Variants in ST6GALNAC1 observed in about 807,000 individuals in gnomAD.
ST6GALNAC1 encodes alpha-N-acetylgalactosaminide alpha-2,6-sialyltransferase 1.
ST6GALNAC1 carries 45 observed loss-of-function variants against 56.8 expected under a neutral mutation model. The ratio of observed to expected loss-of-function variants is 0.79; its 90% CI spans 0.62 to 1.02. The LOEUF is 1.02. ST6GALNAC1 is among the 50% of genes least tolerant of loss of function. The pLI, the probability that ST6GALNAC1 is intolerant of heterozygous loss-of-function variation, is 0.00. For synonymous variants in ST6GALNAC1, 295 were observed against 297.8 expected, an observed-to-expected ratio of 0.99 and a Z score of 0.10; for missense variants, 743 against 754.8, an observed-to-expected ratio of 0.98 and a Z score of 0.18.
At position 76,627,511 on chromosome 17, in the gene ST6GALNAC1, T is replaced by G. The variant is rs781229672; in HGVS notation, c.904A>C (p.Thr302Pro). The stretch of plus-strand genomic sequence containing the variant: ...AAGTGTCTGGAGTCCAGGAAGAGAG[T>G]GAGGTTGGGCAGAAAGAGTTTCTGG... ...WLQKLFLPNL[T>P]LFLDSRHFNQ... The change falls in exon 3 of 9, where the codon ACT (threonine) becomes CCT (proline). Residue 302 changes from threonine (T) to proline (P), a missense_variant. Coordinates refer to ENST00000156626, the MANE Select transcript of ST6GALNAC1 (RefSeq NM_018414.5). This position sits in a 1 kb window ranked among gnomAD's most constrained non-coding sequence, Gnocchi z 4.4. The G allele has an allele frequency of 4.7e-5, 76 of 1,613,110 alleles. No individual in the cohort carries two copies. The highest frequency in any genetic ancestry group is 6.2e-5 in the Non-Finnish European group (73 of 1,179,776).
intron 1 of ST6GALNAC1, among the ~76,000 whole-genome samples, chr17:76,640,915 T>G (rs2076040301): frequency 6.6e-6 from 1 of 152,118 alleles, no homozygotes; most frequent in African/African-American, 2.4e-5. Context: ...AAAACTCAGA[T>G]GTATGTAAAA....
intron 5 of ST6GALNAC1, 87 bp from the exon 6 acceptor site, chr17:76,626,479 C>A: frequency 6.6e-7 from 1 of 1,518,078 alleles, no homozygotes; most frequent in South Asian, 1.1e-5. Context: ...CGACTGCCCA[C>A]TTGCTCTGCT....
In ST6GALNAC1 at chr17:76,627,205, A is replaced by G; in HGVS notation, c.1034T>C (p.Val345Ala). 1 of 1,588,732 alleles carries G rather than the reference A, an allele frequency of 6.3e-7. No individual in the cohort carries two copies. Among genetic ancestry groups the G allele is most frequent in the Non-Finnish European group, 8.6e-7 (1 of 1,167,450 alleles). ...GGCCAGGAGCAGCTGCTGCTGGGGC[A>G]CTGGAGGGAAGCGTGTCACGACCTT... Reference protein sequence around the residue: ...VQKVVTRFPPVPQQQLLLASL... With the variant: ...VQKVVTRFPPAPQQQLLLASL... Residue 345 changes from valine (V) to alanine (A), a missense_variant, in exon 4 of 9, where the codon GTG becomes GCG. Val to Ala is a moderately conservative substitution (Grantham distance 64). Coordinates refer to ENST00000156626, the MANE Select transcript of ST6GALNAC1 (RefSeq NM_018414.5). The surrounding 1 kb of genome is among the most constrained non-coding windows in gnomAD (Gnocchi z 4.4).
At chr17:76,630,050 T>C (rs1330076547) in intron 1 of ST6GALNAC1, among the ~76,000 whole-genome samples, 2 of 151,990 alleles carry the variant, frequency 1.3e-5, no homozygotes, top group African/African-American at 4.8e-5. Flanking sequence ...CCTCCCAAAG[T>C]GTTGGGATGA....
chr17:76,626,915 A>G, intron 4 of ST6GALNAC1, 126 bp from the exon 5 acceptor site: 2 of 1,485,582 alleles, frequency 1.3e-6, no homozygotes, highest in Non-Finnish European at 9.2e-7. Flanking sequence ...TCGAGAGCCC[A>G]GGAATTCCAC....
intron 1 of ST6GALNAC1, among the ~76,000 whole-genome samples, chr17:76,630,747 G>C (rs987002710): frequency 6.7e-6 from 1 of 150,128 alleles, no homozygotes; most frequent in Non-Finnish European, 1.5e-5. Context: ...ACCACGCCTG[G>C]CTCTTTTTTT....
At chr17:76,618,314 G>A in the ST6GALNAC1 span, among the ~76,000 whole-genome samples, 1 of 152,036 alleles carries the variant, frequency 6.6e-6, no homozygotes, top group Non-Finnish European at 1.5e-5. Flanking sequence ...GGGCAGGCTG[G>A]CATGACATGA....
Position 76,629,556 on chromosome 17 carries a change from G to A in ST6GALNAC1, c.287C>T (p.Thr96Ile). 1 of 1,614,054 alleles carries A rather than the reference G, an allele frequency of 6.2e-7. No individual in the cohort carries two copies. ...GGCCTCCTTTCCTCTGTCTCCGGTGGTGTGGGCCTTGGGCTGGGTTTGTGT... is the reference window on the plus strand; with the variant it reads ...GGCCTCCTTTCCTCTGTCTCCGGTGATGTGGGCCTTGGGCTGGGTTTGTGT... ...LNTQTQPKAH[T>I]TGDRGKEANQ... Residue 96 changes from threonine (T) to isoleucine (I), a missense_variant, in exon 2 of 9, where the codon ACC (threonine) becomes ATC (isoleucine). Transcript: ENST00000156626.
chr17:76,630,465 G>A (rs1325601600), intron 1 of ST6GALNAC1, among the ~76,000 whole-genome samples: 2 of 152,056 alleles, frequency 1.3e-5, no homozygotes, highest in Non-Finnish European at 2.9e-5. Context: ...TCTCCAGCGG[G>A]GGCACTCTCT....
At chr17:76,620,144 A>G (rs145626725), downstream of ST6GALNAC1, among the ~76,000 whole-genome samples, 703 of 151,738 alleles carry the variant, frequency 4.6e-3, 9 homozygotes, top group African/African-American at 0.016. Context: ...GGGTTCAAGC[A>G]ATTCTTCTGC....
chr17:76,639,622 A>G (rs1469398838), intron 1 of ST6GALNAC1, among the ~76,000 whole-genome samples: 1 of 149,960 alleles, frequency 6.7e-6, no homozygotes, highest in Non-Finnish European at 1.5e-5. Context: ...TCACAAATTC[A>G]TATAATTACA....
chr17:76,625,329 G>A lies in ST6GALNAC1; in HGVS notation c.*1C>T. ...GGAGACCATGGCAGCCCTGGCCCCGGTCAGTTCTTGGCTTTGGCAGTTCCG... is the reference window on the plus strand; with the variant it reads ...GGAGACCATGGCAGCCCTGGCCCCGATCAGTTCTTGGCTTTGGCAGTTCCG... On this transcript the variant is annotated 3_prime_UTR_variant, in exon 9 of 9. Transcript: ENST00000156626. 6.2e-7 allele frequency: 1 copy of A among 1,612,656 alleles called. No homozygotes were observed. The highest frequency in any genetic ancestry group is 8.5e-7 in the Non-Finnish European group (1 of 1,179,842).
Position 76,629,155 on chromosome 17 carries a change from T to C in ST6GALNAC1, c.688A>G (p.Lys230Glu). The C allele has an allele frequency of 6.2e-7, 1 of 1,614,052 alleles. No individual in the cohort carries two copies. Among genetic ancestry groups the C allele is most frequent in the Non-Finnish European group, 8.5e-7 (1 of 1,179,984 alleles). The change falls in exon 2 of 9, where the codon AAA becomes GAA. Residue 230 changes from lysine to glutamate, a missense_variant. Physicochemically the swap from Lys to Glu is moderately conservative, Grantham distance 56. Transcript: ENST00000156626. ...TTAVIPPKEKKPQATPPPAPF... is the reference protein window; with the variant it reads ...TTAVIPPKEKEPQATPPPAPF... ...GCAGGGGGTGGGGTGGCCTGAGGTT[T>C]CTTCTCCTTAGGTGGGATGACTGCT...
At chr17:76,637,008 T>TCCA (rs2075984055) in intron 1 of ST6GALNAC1, among the ~76,000 whole-genome samples, 2 of 152,174 alleles carry the variant, frequency 1.3e-5, no homozygotes, top group African/African-American at 4.8e-5. Context: ...CTGTGTCCAC[T>TCCA]CAGGGTTGAA....
intron 1 of ST6GALNAC1, among the ~76,000 whole-genome samples, chr17:76,636,358 G>A (rs1003594617): frequency 6.6e-6 from 1 of 152,076 alleles, no homozygotes; most frequent in African/African-American, 2.4e-5. Flanking sequence ...TACCATCATT[G>A]TCCTTCCCCT....
chr17:76,633,831 T>A (rs2075940872), intron 1 of ST6GALNAC1: 1 of 152,138 alleles, frequency 6.6e-6, no homozygotes, highest in African/African-American at 2.4e-5. Flanking sequence ...AGTGAAGAAA[T>A]GGCAAAAGGT....
rs758792835 is a variant in ST6GALNAC1 at position 76,625,954 on chromosome 17, C to T, written c.1506-36G>A. ...CCCCAAACCCCCAACTGTCAGGAGGCTGCAAGGATAACAGGGACCTGGGCT... is the reference window on the plus strand; with the variant it reads ...CCCCAAACCCCCAACTGTCAGGAGGTTGCAAGGATAACAGGGACCTGGGCT... On this transcript the variant is annotated intron_variant, in intron 7 of 8. Coordinates refer to ENST00000156626, the MANE Select transcript of ST6GALNAC1 (RefSeq NM_018414.5). 4 of 1,605,558 alleles carry T rather than the reference C, an allele frequency of 2.5e-6. No homozygotes were observed. In the Admixed American group the frequency reaches 5.1e-5, roughly 20 times the overall value.
At chr17:76,623,989 ATTTATTGCTT>A (rs1168062987), downstream of ST6GALNAC1, among the ~76,000 whole-genome samples, 1 of 152,196 alleles carries the variant, frequency 6.6e-6, no homozygotes, top group African/African-American at 2.4e-5. Context: ...GGGGAAAAGC[ATTTATTGCTT>A]TTTATTGCTG....
downstream of ST6GALNAC1, among the ~76,000 whole-genome samples, chr17:76,621,289 T>G (rs1384566290): frequency 6.8e-6 from 1 of 146,394 alleles, no homozygotes; most frequent in Middle Eastern, 3.6e-3. Flanking sequence ...TTCAAGCAAT[T>G]CTCCTGCCTC....
Sources: gnomAD v4.1 joint callset for allele counts (sites outside exome capture counted in the v4.1 genomes callset) on GRCh38, gnomAD v4.1.1 for gene constraint, Gnocchi (gnomAD v3.1) non-coding constraint, MANE v1.5 for transcripts, NCBI Gene and HGNC (gene_info 2026-07-23, HGNC 2026-07-21) for gene names.